Variants in CHRM3 observed in about 807,000 individuals in gnomAD.
CHRM3 encodes cholinergic receptor muscarinic 3, also known as muscarinic acetylcholine receptor M3.
Under a neutral mutation model 41.8 loss-of-function variants are expected in CHRM3, and 11 were observed. The ratio of observed to expected loss-of-function variants is 0.26; its 90% CI spans 0.17 to 0.44. The LOEUF (loss-of-function observed/expected upper bound fraction) is 0.44. CHRM3 is among the 20% of genes least tolerant of loss of function. The pLI is 1.00. For synonymous variants in CHRM3, 297 were observed against 301.4 expected, an observed-to-expected ratio of 0.99 and a Z score of 0.15; for missense variants, 571 against 745.4, an observed-to-expected ratio of 0.77 and a Z score of 2.72.
chr1:239,527,253 A>G (rs1258983448), intron 2 of CHRM3, among the ~76,000 whole-genome samples: 1 of 152,226 alleles, frequency 6.6e-6, no homozygotes, highest in Non-Finnish European at 1.5e-5. Flanking sequence ...AGTAGATTGA[A>G]TAATGTTTAT....
At chr1:239,715,981 C>T (rs1025894661) in intron 5 of CHRM3, among the ~76,000 whole-genome samples, 1 of 152,018 alleles carries the variant, frequency 6.6e-6, no homozygotes, top group African/African-American at 2.4e-5. Context: ...TACCATTCTG[C>T]AGAGTCACAT....
chr1:239,834,695 C>A (rs138861379), intron 6 of CHRM3, among the ~76,000 whole-genome samples: 21 of 152,254 alleles, frequency 1.4e-4, no homozygotes, highest in Non-Finnish European at 2.2e-4. Flanking sequence ...TTCATGCCTC[C>A]TCGCTCAGAC....
At chr1:239,771,897 T>G (rs557238150) in intron 5 of CHRM3, among the ~76,000 whole-genome samples, 10 of 152,206 alleles carry the variant, frequency 6.6e-5, no homozygotes, top group Non-Finnish European at 1.5e-4. Context: ...CCACAGTATA[T>G]TCTTAGGTCA....
intron 3 of CHRM3, among the ~76,000 whole-genome samples, chr1:239,554,748 T>TTA (rs1660199228): frequency 6.7e-6 from 1 of 149,124 alleles, no homozygotes; most frequent in South Asian, 2.1e-4. Context: ...TTTTTTTTTT[T>TTA]AGATGGAGTC....
At chr1:239,575,402 T>G (rs1662238368) in intron 3 of CHRM3, among the ~76,000 whole-genome samples, 1 of 152,178 alleles carries the variant, frequency 6.6e-6, no homozygotes. Flanking sequence ...AAACTTCAAG[T>G]CCTAATAAAG....
intron 2 of CHRM3, among the ~76,000 whole-genome samples, chr1:239,536,324 A>T (rs1251179199): frequency 6.6e-6 from 1 of 152,018 alleles, no homozygotes; most frequent in African/African-American, 2.4e-5. Flanking sequence ...GGTTACAAGT[A>T]CTCTCTTGGC....
At chr1:239,669,427 C>G (rs1438485972) in intron 4 of CHRM3, among the ~76,000 whole-genome samples, 1 of 152,026 alleles carries the variant, frequency 6.6e-6, no homozygotes, top group African/African-American at 2.4e-5. Flanking sequence ...TTCTGCAGGC[C>G]TGGCATTACT....
intron 1 of CHRM3, among the ~76,000 whole-genome samples, chr1:239,444,082 T>C (rs1159014839): frequency 6.6e-6 from 1 of 152,180 alleles, no homozygotes; most frequent in Non-Finnish European, 1.5e-5. Context: ...CTCAGCATGT[T>C]GTGTGCCATC....
At chr1:239,684,901 G>T (rs1378888200) in intron 5 of CHRM3, among the ~76,000 whole-genome samples, 1 of 152,008 alleles carries the variant, frequency 6.6e-6, no homozygotes, top group African/African-American at 2.4e-5. Context: ...ATAAGAATAG[G>T]GGGTGTTTGT....
intron 1 of CHRM3, among the ~76,000 whole-genome samples, chr1:239,392,769 A>G (rs545467309): frequency 6.6e-6 from 1 of 152,350 alleles, no homozygotes; most frequent in Non-Finnish European, 1.5e-5. Context: ...ACTAAACTGT[A>G]GGAAAAAGGA....
intron 1 of CHRM3, among the ~76,000 whole-genome samples, chr1:239,489,694 T>C (rs935329430): frequency 6.6e-6 from 1 of 152,218 alleles, no homozygotes; most frequent in Non-Finnish European, 1.5e-5. Flanking sequence ...TATATGGCCA[T>C]TGTTACCAAA....
rs1487107455 is a variant in CHRM3, at chr1:239,580,746, TATAC to T, written c.-313+34999_-313+35002del. On this transcript the variant is annotated intron_variant, in intron 3 of 6. Transcript: ENST00000676153. ...ACACACACACACAAGTGCATATATATATACAGTGTGTGTATATATGTAAATATAT... is the reference window on the plus strand; with the variant it reads ...ACACACACACACAAGTGCATATATATAGTGTGTGTATATATGTAAATATAT... Among the ~76,000 whole-genome samples, 48 of 134,306 alleles carry T rather than the reference TATAC, an allele frequency of 3.6e-4. 1 individual carries two copies. Among genetic ancestry groups the T allele is most frequent in the Admixed American group, 1.9e-3 (23 of 12,036 alleles). 88.1% of individuals were successfully genotyped at this position (134,306 alleles called of 152,430 possible).
intron 3 of CHRM3, among the ~76,000 whole-genome samples, chr1:239,568,205 A>T (rs994597620): frequency 6.6e-6 from 1 of 152,080 alleles, no homozygotes; most frequent in East Asian, 1.9e-4. Context: ...AAGGCCCAGT[A>T]ATATGGTTTG....
chr1:239,802,262 A>G (rs1304345452), intron 5 of CHRM3, among the ~76,000 whole-genome samples: 1 of 152,232 alleles, frequency 6.6e-6, no homozygotes, highest in African/African-American at 2.4e-5. Flanking sequence ...CTTCAAGCTA[A>G]TAACAAACAA....
intron 6 of CHRM3, among the ~76,000 whole-genome samples, chr1:239,837,838 C>CGTTTTTGTTTTG (rs1232330315): frequency 6.6e-6 from 1 of 152,148 alleles, no homozygotes; most frequent in East Asian, 1.9e-4. Flanking sequence ...TTTACCCATT[C>CGTTTTTGTTTTG]ATTGAGTTTT....
At chr1:239,479,190 C>CCACACACACACACACACACACA (rs56202845) in intron 1 of CHRM3, among the ~76,000 whole-genome samples, 1 of 139,888 alleles carries the variant, frequency 7.1e-6, no homozygotes, top group African/African-American at 2.7e-5. Context: ...TTTCAAAAAA[C>CCACACACACACACACACACACA]CACACACACA....
chr1:239,395,380 G>C (rs534013559), intron 1 of CHRM3, among the ~76,000 whole-genome samples: 24 of 152,146 alleles, frequency 1.6e-4, no homozygotes, highest in African/African-American at 5.8e-4. Context: ...TTCCCCTCCT[G>C]GGGTTCCTAT....
intron 1 of CHRM3, among the ~76,000 whole-genome samples, chr1:239,452,429 G>T (rs945526069): frequency 6.6e-6 from 1 of 152,216 alleles, no homozygotes; most frequent in Non-Finnish European, 1.5e-5. Flanking sequence ...GCTTCATTAA[G>T]TCCAGACTTT....
At chr1:239,522,112 A>G (rs1419810024) in intron 2 of CHRM3, among the ~76,000 whole-genome samples, 2 of 152,194 alleles carry the variant, frequency 1.3e-5, no homozygotes, top group African/African-American at 4.8e-5. Flanking sequence ...GTGTGTTCTC[A>G]TCTGTTGAAT....
Sources: gnomAD v4.1 joint callset for allele counts (sites outside exome capture counted in the v4.1 genomes callset) on GRCh38, gnomAD v4.1.1 for gene constraint, MANE v1.5 for transcripts, NCBI Gene and HGNC (gene_info 2026-07-23, HGNC 2026-07-21) for gene names.